C8orf34: variants seen among roughly 807,000 people sequenced by gnomAD.
The protein encoded by C8orf34 is uncharacterized protein C8orf34.
C8orf34 carries 65 observed loss-of-function variants against 68.3 expected under a neutral mutation model. The observed-to-expected ratio is 0.95, with a 90% CI of 0.78 to 1.17. The LOEUF is 1.17. Among genes scored for constraint, C8orf34 ranks in the 50% most tolerant of loss-of-function variants. C8orf34 has a pLI of 0.00. For synonymous variants in C8orf34, 244 were observed against 241.2 expected (o/e 1.01, Z -0.11); for missense variants, 664 against 655.4 (o/e 1.01, Z -0.14).
rs187859189 is a variant in C8orf34, at chr8:68,783,011, G to T, written c.1456-4432G>T. On this transcript the variant is annotated intron_variant, in intron 11 of 13. Coordinates refer to ENST00000518698, the MANE Select transcript of C8orf34 (RefSeq NM_052958.4). ...GGCTTGAGTTCAGGAGGTCGAGGCT[G>T]CAGTGTGCCATGTTTGTGTCACTGC... Among the ~76,000 whole-genome samples the T allele has an allele frequency of 6.0e-5, 9 of 150,794 alleles. No homozygotes were observed. In the East Asian group the frequency reaches 1.6e-3, roughly 26 times the overall value.
At chr8:68,730,271 G>GTTA (rs1462844866) in intron 10 of C8orf34, among the ~76,000 whole-genome samples, 1 of 152,122 alleles carries the variant, frequency 6.6e-6, no homozygotes, top group East Asian at 1.9e-4. Context: ...TGAAATTTAT[G>GTTA]TTAAAGAACA....
At chr8:68,347,413 T>C (rs971639138) in intron 1 of C8orf34, among the ~76,000 whole-genome samples, 1 of 152,130 alleles carries the variant, frequency 6.6e-6, no homozygotes, top group African/African-American at 2.4e-5. Flanking sequence ...TGAATAGTGC[T>C]GCAATGAACA....
chr8:68,752,410 A>G (rs1199325969), intron 10 of C8orf34, among the ~76,000 whole-genome samples: 1 of 152,142 alleles, frequency 6.6e-6, no homozygotes, highest in Non-Finnish European at 1.5e-5. Flanking sequence ...ACCAGGCGGT[A>G]TGGCTCCCTG....
chr8:68,432,586 C>T (rs1423909103), intron 1 of C8orf34, among the ~76,000 whole-genome samples: 1 of 152,068 alleles, frequency 6.6e-6, no homozygotes, highest in Non-Finnish European at 1.5e-5. Context: ...CAATAAAAGA[C>T]TGATATTTTA....
chr8:68,705,812 A>T (rs1387784898), intron 8 of C8orf34, among the ~76,000 whole-genome samples: 1 of 152,166 alleles, frequency 6.6e-6, no homozygotes, highest in Non-Finnish European at 1.5e-5. Flanking sequence ...AACAGAAAAA[A>T]TACTGGTTGG....
chr8:68,709,140 T>A, intron 9 of C8orf34, 61 bp downstream of exon 9: 1 of 1,328,206 alleles, frequency 7.5e-7, no homozygotes, highest in South Asian at 1.3e-5. Context: ...ATTAAAGAAG[T>A]AAAGGAAAAA....
rs149127395 is a variant in C8orf34, at chr8:68,702,608, T to C, written c.1242-6386T>C. Among the ~76,000 whole-genome samples the C allele has an allele frequency of 4.5e-3, 678 of 152,276 alleles. 11 individuals carry two copies. The highest frequency in any genetic ancestry group is 0.015 in the African/African-American group (640 of 41,572). Reference sequence around the variant, plus strand: ...GTGTATGAGTGTGTGTGCTTTTCCATGATAATGTACAGAAGGATGACTGCC... The same window carrying C: ...GTGTATGAGTGTGTGTGCTTTTCCACGATAATGTACAGAAGGATGACTGCC... On this transcript the variant is annotated intron_variant, in intron 8 of 13. Coordinates refer to ENST00000518698, the MANE Select transcript of C8orf34 (RefSeq NM_052958.4).
At chr8:68,787,946 C>T (rs1244788908) in intron 12 of C8orf34, among the ~76,000 whole-genome samples, 3 of 152,120 alleles carry the variant, frequency 2.0e-5, no homozygotes, top group Non-Finnish European at 4.4e-5. Context: ...CATATGTAGA[C>T]ACTGTTCTAA....
chr8:68,333,529 A>T (rs1380412674), intron 1 of C8orf34, among the ~76,000 whole-genome samples: 1 of 152,212 alleles, frequency 6.6e-6, no homozygotes, highest in African/African-American at 2.4e-5. Context: ...TGAGAGTACA[A>T]TTATACGTAT....
rs1180798319 is a variant in C8orf34 at position 68,533,159 on chromosome 8, A to C, written c.1105+10A>C. ...GCAATGGAATTGCTGGGTAATTTTAAAAATTAATAATTTCTCATTTTCTTC... is the reference window on the plus strand; with the variant it reads ...GCAATGGAATTGCTGGGTAATTTTACAAATTAATAATTTCTCATTTTCTTC... On this transcript the variant is annotated intron_variant, in intron 7 of 13. Transcript: ENST00000518698. The C allele has an allele frequency of 6.4e-7, 1 of 1,555,620 alleles. No homozygotes were observed. The highest frequency in any genetic ancestry group is 2.3e-5 in the East Asian group (1 of 43,852).
chr8:68,428,938 A>G (rs187640472), intron 1 of C8orf34, among the ~76,000 whole-genome samples: 1 of 152,176 alleles, frequency 6.6e-6, no homozygotes, highest in African/African-American at 2.4e-5. Flanking sequence ...ATAAATGTTG[A>G]CTTTAGATGC....
chr8:68,396,741 AGC>A (rs1808728257), intron 1 of C8orf34, among the ~76,000 whole-genome samples: 1 of 143,032 alleles, frequency 7.0e-6, no homozygotes, highest in Non-Finnish European at 1.5e-5. Context: ...AAAAAAAAAA[AGC>A]CTGGTGCCTC....
Position 68,818,286 on chromosome 8 carries a change from CAGTT to C in C8orf34, c.*42_*45del, listed in dbSNP as rs752754074. On this transcript the variant is annotated 3_prime_UTR_variant, in exon 14 of 14. Transcript: ENST00000518698. ...GTTGCAAGTGGTCCTTAAAGAAATG[CAGTT>C]ATTCAAATCCTTATGTATAGTTCTA... is the stretch of plus-strand genomic sequence containing the variant. The C allele has an allele frequency of 1.9e-6, 3 of 1,601,706 alleles. No homozygotes were observed. The highest frequency in any genetic ancestry group is 2.6e-6 in the Non-Finnish European group (3 of 1,169,852).
chr8:68,745,738 G>A (rs563492857), intron 10 of C8orf34, among the ~76,000 whole-genome samples: 46 of 152,212 alleles, frequency 3.0e-4, no homozygotes, highest in African/African-American at 1.1e-3. Context: ...CATAAAGCAA[G>A]TTCTGAGTGA....
intron 10 of C8orf34, among the ~76,000 whole-genome samples, chr8:68,772,798 CCTCCTTT>C (rs1476116545): frequency 1.4e-5 from 2 of 147,378 alleles, no homozygotes; most frequent in Middle Eastern, 3.5e-3. Context: ...TCCCTCCCTC[CCTCCTTT>C]CTTTCTTTCT....
chr8:68,387,751 A>T (rs1808319945), intron 1 of C8orf34, among the ~76,000 whole-genome samples: 1 of 152,234 alleles, frequency 6.6e-6, no homozygotes. Flanking sequence ...TCATTCTTTG[A>T]TCTACCTATC....
intron 1 of C8orf34, among the ~76,000 whole-genome samples, chr8:68,346,527 A>G (rs895905354): frequency 1.3e-5 from 2 of 152,070 alleles, no homozygotes; most frequent in East Asian, 1.9e-4. Context: ...ATATACAATG[A>G]TGTATATTCA....
Position 68,659,044 on chromosome 8 carries a change from C to T in C8orf34, c.1241+18533C>T, listed in dbSNP as rs114666216. On this transcript the variant is annotated intron_variant, in intron 8 of 13. Transcript: ENST00000518698. ...TCATCAGGAAGGGAGATATTTCCCT[C>T]GATTCCCTCCCTCCCTTCCTTCCTC... Among the ~76,000 whole-genome samples, 1,282 of 152,126 alleles carry T rather than the reference C, an allele frequency of 8.4e-3. 17 individuals carry two copies. The highest frequency in any genetic ancestry group is 0.027 in the African/African-American group (1,138 of 41,500).
intron 8 of C8orf34, among the ~76,000 whole-genome samples, chr8:68,659,999 T>G (rs970551674): frequency 6.6e-5 from 10 of 152,186 alleles, no homozygotes; most frequent in Non-Finnish European, 1.2e-4. Context: ...TAGTTTACAG[T>G]AGCTTAACAT....
Sources: allele counts gnomAD v4.1 joint callset (sites outside exome capture counted in the v4.1 genomes callset), GRCh38; gene constraint gnomAD v4.1.1; transcripts MANE v1.5; gene names NCBI Gene and HGNC (gene_info 2026-07-23, HGNC 2026-07-21).